Variants in IQGAP2 observed in about 807,000 individuals in gnomAD.
The protein encoded by IQGAP2 is IQ motif containing GTPase activating protein 2.
A neutral mutation model predicts 201.3 loss-of-function variants in IQGAP2; 173 were observed. The ratio of observed to expected loss-of-function variants is 0.86; its 90% CI spans 0.76 to 0.98. The LOEUF (loss-of-function observed/expected upper bound fraction) is 0.98. Among genes scored for constraint, IQGAP2 ranks in the 50% least tolerant of loss-of-function variants. The pLI, the probability that IQGAP2 is intolerant of heterozygous loss-of-function variation, is 0.00. For missense variants in IQGAP2, 1,687 were observed against 1,864.8 expected (o/e 0.90, Z 1.76); for synonymous variants, 675 against 673.9 (o/e 1.00, Z -0.03).
chr5:76,672,831 G>A (rs776835626), intron 24 of IQGAP2, among the ~76,000 whole-genome samples: 67 of 149,558 alleles, frequency 4.5e-4, no homozygotes, highest in Middle Eastern at 3.2e-3. Flanking sequence ...CCCAAACACC[G>A]CATATTCTCA....
At chr5:76,571,522 A>G (rs1745117427) in intron 4 of IQGAP2, among the ~76,000 whole-genome samples, 1 of 152,164 alleles carries the variant, frequency 6.6e-6, no homozygotes, top group Admixed American at 6.5e-5. Context: ...TCACTTGTAA[A>G]GGCTAGTGGG....
chr5:76,429,063 C>T lies in IQGAP2; in HGVS notation c.46+25472C>T, dbSNP rs1224666469. ...CATTGTACTAGAGCCCGAGTGACAG[C>T]GAGACTCTGTCTCAAAAAAAAAAAA... On this transcript the variant is annotated intron_variant, in intron 1 of 35. Coordinates refer to ENST00000274364, the MANE Select transcript of IQGAP2 (RefSeq NM_006633.5). 6.9e-5 allele frequency among the ~76,000 whole-genome samples: 8 copies of T among 115,238 alleles called. No individual in the cohort carries two copies. In the South Asian group the frequency reaches 1.9e-3, roughly 28 times the overall value. The allele number at this position is 115,238 out of a possible 152,430, so 75.6% of individuals were successfully genotyped here.
At chr5:76,410,606 G>T in intron 1 of IQGAP2, among the ~76,000 whole-genome samples, 1 of 152,146 alleles carries the variant, frequency 6.6e-6, no homozygotes, top group South Asian at 2.1e-4. Context: ...TTTTGCCGAG[G>T]ATAGGTGAAT....
chr5:76,546,190 CTT>C (rs1743084893), intron 2 of IQGAP2, among the ~76,000 whole-genome samples: 1 of 152,278 alleles, frequency 6.6e-6, no homozygotes, highest in South Asian at 2.1e-4. Context: ...AATCCCAGCA[CTT>C]TGGGAGGCCG....
chr5:76,616,578 G>T (rs922594150), intron 13 of IQGAP2: 3 of 152,864 alleles, frequency 2.0e-5, no homozygotes, highest in African/African-American at 7.2e-5. Flanking sequence ...TGGCCTGGAC[G>T]TAGTGGCTCA....
intron 5 of IQGAP2, among the ~76,000 whole-genome samples, chr5:76,586,906 G>T (rs1212130478): frequency 6.6e-6 from 1 of 152,202 alleles, no homozygotes. Flanking sequence ...AGCCTTCCTG[G>T]CTTGTAAGCC....
intron 1 of IQGAP2, among the ~76,000 whole-genome samples, chr5:76,447,797 G>A (rs889254365): frequency 6.6e-6 from 1 of 152,162 alleles, no homozygotes; most frequent in Non-Finnish European, 1.5e-5. Context: ...ACTAAGTTTG[G>A]GGGTGGGAAC....
At chr5:76,592,116 C>G (rs1468360714) in intron 8 of IQGAP2, among the ~76,000 whole-genome samples, 2 of 152,174 alleles carry the variant, frequency 1.3e-5, no homozygotes, top group African/African-American at 4.8e-5. Context: ...ACTCTCTAAG[C>G]CAATCCCTCT....
Position 76,408,764 on chromosome 5 carries a change from C to A in IQGAP2, c.46+5173C>A, listed in dbSNP as rs142088957. Among the ~76,000 whole-genome samples, 998 of 151,966 alleles carry A rather than the reference C, an allele frequency of 6.6e-3. 8 individuals carry two copies. Among genetic ancestry groups the A allele is most frequent in the Non-Finnish European group, 8.4e-3 (573 of 67,980 alleles). On this transcript the variant is annotated intron_variant, in intron 1 of 35. Coordinates refer to ENST00000274364, the MANE Select transcript of IQGAP2 (RefSeq NM_006633.5). The stretch of plus-strand genomic sequence containing the variant: ...GCAACATAGTAAGATCTGCCTGCCC[C>A]CCACCCAACCCAATCTCTCTTATTT...
At chr5:76,491,592 C>A (rs1309462826) in intron 2 of IQGAP2, among the ~76,000 whole-genome samples, 2 of 152,174 alleles carry the variant, frequency 1.3e-5, no homozygotes, top group East Asian at 3.8e-4. Flanking sequence ...GCGTGAGCCA[C>A]CGCACCTGGC....
At chr5:76,438,042 T>TG (rs1561371654) in intron 1 of IQGAP2, among the ~76,000 whole-genome samples, 1 of 148,430 alleles carries the variant, frequency 6.7e-6, no homozygotes, top group Non-Finnish European at 1.5e-5. Flanking sequence ...TTTGTTTTTT[T>TG]TTTTGTTTTT....
At chr5:76,488,546 C>A (rs962416658) in intron 2 of IQGAP2, among the ~76,000 whole-genome samples, 2 of 152,166 alleles carry the variant, frequency 1.3e-5, no homozygotes, top group Non-Finnish European at 2.9e-5. Flanking sequence ...TAAAATTCTT[C>A]TGATCTAAAA....
chr5:76,487,276 T>C (rs2150151535), intron 2 of IQGAP2, among the ~76,000 whole-genome samples: 1 of 152,140 alleles, frequency 6.6e-6, no homozygotes, highest in Admixed American at 6.5e-5. Context: ...TTTTTGGATT[T>C]TTAGTCGAGA....
At chr5:76,485,817 G>C (rs1756097987) in intron 2 of IQGAP2, among the ~76,000 whole-genome samples, 1 of 152,156 alleles carries the variant, frequency 6.6e-6, no homozygotes, top group South Asian at 2.1e-4. Flanking sequence ...GTTCTCTGTA[G>C]CTTCTGGATG....
chr5:76,405,958 C>T (rs1043321953), intron 1 of IQGAP2, among the ~76,000 whole-genome samples: 17 of 152,202 alleles, frequency 1.1e-4, no homozygotes, highest in African/African-American at 4.1e-4. Context: ...TAGTGCTGAA[C>T]GTTCTGAGTA....
intron 13 of IQGAP2, chr5:76,618,579 G>A (rs368023912): frequency 1.2e-6 from 2 of 1,613,952 alleles, no homozygotes; most frequent in African/African-American, 2.7e-5. Flanking sequence ...ATTTGGGGGA[G>A]CTCCACGAAA....
chr5:76,693,564 T>G, intron 31 of IQGAP2, 122 bp downstream of exon 31: 1 of 669,548 alleles, frequency 1.5e-6, no homozygotes, highest in Non-Finnish European at 2.6e-6. Flanking sequence ...GTAAGGAATT[T>G]TATCTATTAC....
In IQGAP2 at chr5:76,516,727, C is replaced by T. The variant is rs4489041; in HGVS notation, c.147-45669C>T. 9.0e-3 allele frequency among the ~76,000 whole-genome samples: 1,373 copies of T among 152,192 alleles called. 9 individuals carry two copies. Among genetic ancestry groups the T allele is most frequent in the Middle Eastern group, 0.034 (10 of 294 alleles). On this transcript the variant is annotated intron_variant, in intron 2 of 35. Coordinates refer to ENST00000274364, the MANE Select transcript of IQGAP2 (RefSeq NM_006633.5). ...GAAAATAGCCACAGATGTTAACTGA[C>T]GGTTGAACATGTGTGAATTGGATCT...
chr5:76,695,266 A>G (rs1161785991), intron 31 of IQGAP2, among the ~76,000 whole-genome samples, 188 bp from the exon 32 acceptor site: 4 of 152,234 alleles, frequency 2.6e-5, no homozygotes, highest in African/African-American at 4.8e-5. Flanking sequence ...AAGGCTTGCT[A>G]TCGAAAAGAT....
Sources: allele counts gnomAD v4.1 joint callset (sites outside exome capture counted in the v4.1 genomes callset), GRCh38; gene constraint gnomAD v4.1.1; transcripts MANE v1.5; gene names NCBI Gene and HGNC (gene_info 2026-07-23, HGNC 2026-07-21).